The following LIG1 variants were observed in gnomAD, a reference collection of about 807,000 sequenced individuals.
LIG1 encodes ligase I, DNA, ATP-dependent.
Under a neutral mutation model 115.7 loss-of-function variants are expected in LIG1, and 70 were observed. The ratio of observed to expected loss-of-function variants is 0.60; its 90% CI spans 0.50 to 0.74. The LOEUF (loss-of-function observed/expected upper bound fraction) is 0.74, where lower values mean the gene tolerates loss of function less well. LIG1 is among the 30% of genes least tolerant of loss of function. The pLI is 0.00. For synonymous variants in LIG1, 487 were observed against 495.3 expected (o/e 0.98, Z 0.22); for missense variants, 1,115 against 1,225.6 (o/e 0.91, Z 1.35).
At chr19:48,146,978 G>C (rs542737514) in intron 9 of LIG1, among the ~76,000 whole-genome samples, 2 of 152,276 alleles carry the variant, frequency 1.3e-5, no homozygotes, top group East Asian at 3.9e-4. Context: ...TTCCTCCACA[G>C]GAATACTGCA....
chr19:48,156,823 C>T (rs1470916209), intron 5 of LIG1, among the ~76,000 whole-genome samples, 191 bp downstream of exon 5: 2 of 151,762 alleles, frequency 1.3e-5, no homozygotes, highest in African/African-American at 4.8e-5. Context: ...CTCCTGTAGT[C>T]CCAGCTACTC....
intron 1 of LIG1, chr19:48,170,017 C>G (rs1397094586): frequency 6.1e-6 from 2 of 325,250 alleles, no homozygotes; most frequent in African/African-American, 4.7e-5. Flanking sequence ...GTCTCTGTCT[C>G]TCGTCTACCC....
chr19:48,140,068 G>A lies in LIG1; in HGVS notation c.990C>T (p.Val330=). 1.2e-6 allele frequency: 2 copies of A among 1,614,066 alleles called. No individual in the cohort carries two copies. The highest frequency in any genetic ancestry group is 2.2e-5 in the East Asian group (1 of 44,882). The change falls in exon 12 of 28, where the codon GTC becomes GTT. Residue 330 remains valine, a synonymous_variant. Transcript: ENST00000263274. ...VALSPPDLLP[V]LYLSLNHLGP... The stretch of plus-strand genomic sequence containing the variant: ...CAAGGTGGTTGAGGCTGAGGTAGAG[G>A]ACAGGGAGGAGGTCTGGAGGCGACA...
intron 26 of LIG1, 103 bp downstream of exon 26, chr19:48,117,535 A>G: frequency 8.1e-7 from 1 of 1,234,494 alleles, no homozygotes; most frequent in Non-Finnish European, 1.2e-6. Context: ...CCTGATCCTT[A>G]CCTGGAAGAG....
At position 48,137,641 on chromosome 19, in the gene LIG1, C is replaced by G; in HGVS notation, c.1135G>C (p.Val379Leu). Residue 379 changes from valine (V) to leucine (L), a missense_variant, in exon 13 of 28, where the codon GTG becomes CTG. Val to Leu is a conservative substitution (Grantham distance 32). Transcript: ENST00000263274. The surrounding 1 kb of genome is among the most constrained non-coding windows in gnomAD (Gnocchi z 4.3). ...VRAEAAEKGD[V>L]GLVAENSRST... The stretch of plus-strand genomic sequence containing the variant: ...CGGCTGTTCTCGGCCACCAGCCCCA[C>G]GTCGCCTTTCTCGGCTGCCTCAGCC... The G allele has an allele frequency of 6.2e-7, 1 of 1,609,894 alleles. No individual in the cohort carries two copies. The highest frequency in any genetic ancestry group is 1.1e-5 in the South Asian group (1 of 91,056).
At chr19:48,150,291 A>C (rs985722685) in intron 7 of LIG1, 81 bp from the exon 8 acceptor site, 1 of 1,592,902 alleles carries the variant, frequency 6.3e-7, no homozygotes, top group Non-Finnish European at 8.6e-7. Context: ...CCCCAAGATC[A>C]TTCTGACCCT....
At chr19:48,165,515 G>A in intron 2 of LIG1, 35 bp downstream of exon 2, 3 of 1,477,682 alleles carry the variant, frequency 2.0e-6, no homozygotes, top group African/African-American at 1.4e-5. Context: ...AGGACTTGGA[G>A]AAGGAAAGAC....
At chr19:48,148,173 T>C (rs561330755) in intron 9 of LIG1, among the ~76,000 whole-genome samples, 129 of 152,146 alleles carry the variant, frequency 8.5e-4, no homozygotes, top group African/African-American at 3.0e-3. Flanking sequence ...GGGTCAAGCA[T>C]GTTCAGAAGC....
rs36171813 is a variant in LIG1 at position 48,153,637 on chromosome 19, AACACACACACACACAC to A, written c.466+219_466+234del. Among the ~76,000 whole-genome samples the A allele has an allele frequency of 9.9e-3, 582 of 58,760 alleles. 9 individuals carry two copies. The highest frequency in any genetic ancestry group is 0.028 in the African/African-American group (407 of 14,692). The allele number at this position is 58,760 out of a possible 152,430, so 38.5% of individuals were successfully genotyped here. On this transcript the variant is annotated intron_variant, in intron 6 of 27. Transcript: ENST00000263274. ...CAGGCCCCTGCCCTTGCAGATCCAA[AACACACACACACACAC>A]ACACACACACACACACACACACACA... is the stretch of plus-strand genomic sequence containing the variant.
chr19:48,170,145 T>C (rs2036729895), intron 1 of LIG1, 96 bp downstream of exon 1: 3 of 451,468 alleles, frequency 6.6e-6, no homozygotes, highest in East Asian at 7.2e-5. Context: ...CGCCCACTCC[T>C]CTGCAGACAC....
intron 4 of LIG1, among the ~76,000 whole-genome samples, chr19:48,158,720 T>C (rs1446193053): frequency 6.6e-6 from 1 of 152,252 alleles, no homozygotes; most frequent in Admixed American, 6.5e-5. Flanking sequence ...GACAGTTTTT[T>C]CTAACATTCA....
chr19:48,134,011 G>A lies in LIG1; in HGVS notation c.1579C>T (p.Arg527Cys), dbSNP rs1157140574. 1.3e-6 allele frequency: 2 copies of A among 1,556,268 alleles called. No individual in the cohort carries two copies. Among genetic ancestry groups the A allele is most frequent in the Non-Finnish European group, 1.7e-6 (2 of 1,149,478 alleles). The change falls in exon 17 of 28, where the codon CGT (arginine) becomes TGT (cysteine). Residue 527 changes from arginine to cysteine, a missense_variant. Transcript: ENST00000263274. ...IPVLLEHGLE[R>C]LPEHCKLSPG... Reference sequence around the variant, plus strand: ...CTCAGCTTGCAGTGCTCCGGGAGACGTTCCAGGCCGTGCTCCAGCAGCACG... The same window carrying A: ...CTCAGCTTGCAGTGCTCCGGGAGACATTCCAGGCCGTGCTCCAGCAGCACG...
At chr19:48,123,444 G>A in intron 21 of LIG1, 126 bp from the exon 22 acceptor site, 2 of 1,099,630 alleles carry the variant, frequency 1.8e-6, no homozygotes, top group Non-Finnish European at 2.7e-6. Flanking sequence ...GGAAAGCCTT[G>A]AGAGGGAAGA....
At position 48,165,585 on chromosome 19, in the gene LIG1, C is replaced by G. The variant is rs749234058; in HGVS notation, c.-19G>C. On this transcript the variant is annotated 5_prime_UTR_variant, in exon 2 of 28. Transcript: ENST00000263274. Reference sequence around the variant, plus strand: ...GCTGCATGTTGGCGTCAGAATTCTCCCTTCCTGTCCAGCACTTTTCTTCGT... The same window carrying G: ...GCTGCATGTTGGCGTCAGAATTCTCGCTTCCTGTCCAGCACTTTTCTTCGT... 9 of 1,613,956 alleles carry G rather than the reference C, an allele frequency of 5.6e-6. No homozygotes were observed. The African/African-American group carries it at 1.1e-4, about 19-fold the overall frequency.
intron 11 of LIG1, among the ~76,000 whole-genome samples, chr19:48,142,601 G>A (rs1266007624): frequency 6.6e-6 from 1 of 152,026 alleles, no homozygotes; most frequent in African/African-American, 2.4e-5. Flanking sequence ...GTGGAAACGG[G>A]TTTGATAGTG....
intron 21 of LIG1, 65 bp downstream of exon 21, chr19:48,127,212 G>A (rs1785656004): frequency 4.6e-6 from 6 of 1,314,972 alleles, no homozygotes; most frequent in Non-Finnish European, 6.6e-6. Flanking sequence ...CAGAGGGGCA[G>A]CTGCCAGGCT....
intron 23 of LIG1, 129 bp from the exon 24 acceptor site, chr19:48,121,451 C>T: frequency 2.3e-6 from 2 of 883,580 alleles, no homozygotes; most frequent in East Asian, 2.8e-5. Context: ...CCAGAAGGAA[C>T]CCCAAGGATG....
intron 11 of LIG1, among the ~76,000 whole-genome samples, chr19:48,142,448 A>AAAAAAAAAAAAAAAAAAAAAAAAAAAAC (rs1306126726): frequency 6.7e-6 from 1 of 150,084 alleles, no homozygotes; most frequent in Non-Finnish European, 1.5e-5. Flanking sequence ...ATCTCAAAAA[A>AAAAAAAAAAAAAAAAAAAAAAAAAAAAC]AAAAAAAAAC....
At chr19:48,168,322 G>C (rs2036586345) in intron 1 of LIG1, among the ~76,000 whole-genome samples, 2 of 152,150 alleles carry the variant, frequency 1.3e-5, no homozygotes. Context: ...CCACTTTATA[G>C]ATGAAGGTAA....
Sources: allele counts gnomAD v4.1 joint callset (sites outside exome capture counted in the v4.1 genomes callset), GRCh38; gene constraint gnomAD v4.1.1; non-coding constraint Gnocchi (gnomAD v3.1); transcripts MANE v1.5; gene names NCBI Gene and HGNC (gene_info 2026-07-23, HGNC 2026-07-21).